Variants in ELMO1 observed in about 807,000 individuals in gnomAD.
The protein encoded by ELMO1 is engulfment and cell motility 1.
Under a neutral mutation model 98.9 loss-of-function variants are expected in ELMO1, and 26 were observed. That is an observed-to-expected ratio of 0.26 (90% confidence interval 0.19 to 0.36). The LOEUF (loss-of-function observed/expected upper bound fraction) is 0.36, where lower values mean the gene tolerates loss of function less well. Ranked by LOEUF, ELMO1 falls within the 10% of genes least tolerant of loss-of-function variation. The pLI, the probability that ELMO1 is intolerant of heterozygous loss-of-function variation, is 1.00. For missense variants in ELMO1, 627 were observed against 935.2 expected, an observed-to-expected ratio of 0.67 and a Z score of 4.30; for synonymous variants, 346 against 346.0, an observed-to-expected ratio of 1.00 and a Z score of 0.00.
rs35665315 is a variant in ELMO1, at chr7:37,005,107, C to CAAAAA, written c.1437+8187_1437+8191dup. On this transcript the variant is annotated intron_variant, in intron 16 of 21. Transcript: ENST00000310758. Reference sequence around the variant, plus strand: ...CTGGCAACAGAGCAAGGCTCTGTCTCAAAAAAAAAAAAAAAAAAAAAAAAA... The same window carrying CAAAAA: ...CTGGCAACAGAGCAAGGCTCTGTCTCAAAAAAAAAAAAAAAAAAAAAAAAAAAAAA... Among the ~76,000 whole-genome samples the CAAAAA allele has an allele frequency of 5.3e-3, 204 of 38,284 alleles. 7 individuals carry two copies. Among genetic ancestry groups the CAAAAA allele is most frequent in the Middle Eastern group, 0.028 (1 of 36 alleles). 25.1% of individuals were successfully genotyped at this position (38,284 alleles called of 152,430 possible).
rs151081660 is a variant in ELMO1 at position 36,961,047 on chromosome 7, T to C, written c.1437+52252A>G. ...CATCCCACGTGTGTCTGTGTAGTTT[T>C]ATCTAAACTGGCGCAAGACCAAGCA... is the stretch of plus-strand genomic sequence containing the variant. On this transcript the variant is annotated intron_variant, in intron 16 of 21. Transcript: ENST00000310758. Among the ~76,000 whole-genome samples the C allele has an allele frequency of 4.3e-3, 649 of 152,294 alleles. 11 individuals are homozygous for C. Among genetic ancestry groups the C allele is most frequent in the African/African-American group, 0.015 (619 of 41,562 alleles).
chr7:36,965,661 C>T (rs546685421), intron 16 of ELMO1, among the ~76,000 whole-genome samples: 1 of 152,216 alleles, frequency 6.6e-6, no homozygotes, highest in African/African-American at 2.4e-5. Context: ...CTAATCAGTA[C>T]TGAAAATTGA....
intron 2 of ELMO1, among the ~76,000 whole-genome samples, chr7:37,338,108 A>G (rs1046758049): frequency 1.3e-5 from 2 of 152,232 alleles, no homozygotes; most frequent in African/African-American, 4.8e-5. Context: ...TAATCTAGCT[A>G]ATAATGGCTG....
chr7:37,013,470 T>C (rs568802085), intron 15 of ELMO1, 35 bp from the exon 16 acceptor site: 1 of 1,610,154 alleles, frequency 6.2e-7, no homozygotes, highest in South Asian at 1.1e-5. Context: ...GAGAAAAAGT[T>C]TTAAAACAGT....
chr7:37,247,524 C>T (rs1795077157), intron 6 of ELMO1, among the ~76,000 whole-genome samples: 3 of 152,164 alleles, frequency 2.0e-5, no homozygotes, highest in Admixed American at 2.0e-4. Flanking sequence ...ACAAGAATTA[C>T]CCAATTTGTA....
intron 16 of ELMO1, among the ~76,000 whole-genome samples, chr7:36,974,796 C>T (rs1790372799): frequency 6.6e-6 from 1 of 152,180 alleles, no homozygotes; most frequent in Non-Finnish European, 1.5e-5. Context: ...CTTTTATGAG[C>T]TGTAACACTC....
chr7:37,196,072 C>T (rs947729485), intron 13 of ELMO1, among the ~76,000 whole-genome samples: 7 of 152,200 alleles, frequency 4.6e-5, no homozygotes, highest in Non-Finnish European at 1.5e-5. Context: ...TCCCTCACTG[C>T]TTTGCCCTGG....
chr7:37,221,116 T>C (rs988884865), intron 10 of ELMO1, among the ~76,000 whole-genome samples: 2 of 152,180 alleles, frequency 1.3e-5, no homozygotes, highest in South Asian at 2.1e-4. Context: ...ACGGTAAGAC[T>C]GCCCCTAGCA....
intron 13 of ELMO1, among the ~76,000 whole-genome samples, chr7:37,157,422 G>A (rs1208480694): frequency 2.6e-5 from 4 of 152,142 alleles, no homozygotes; most frequent in Non-Finnish European, 5.9e-5. Context: ...AAACCCCATC[G>A]TATCAGCCCA....
intron 15 of ELMO1, among the ~76,000 whole-genome samples, chr7:37,083,853 G>A (rs1783614380): frequency 6.6e-6 from 1 of 152,180 alleles, no homozygotes. Context: ...CTGAGGAGGA[G>A]GCATCTTTGG....
At chr7:37,334,307 A>G (rs750970010) in intron 2 of ELMO1, among the ~76,000 whole-genome samples, 15 of 152,234 alleles carry the variant, frequency 9.9e-5, no homozygotes, top group Middle Eastern at 6.8e-3. Context: ...TTAGCCAGGC[A>G]TGGTGGCGGG....
intron 5 of ELMO1, among the ~76,000 whole-genome samples, chr7:37,262,667 G>A (rs1490845029): frequency 6.6e-6 from 1 of 152,144 alleles, no homozygotes; most frequent in Non-Finnish European, 1.5e-5. Flanking sequence ...TTCATCCTAG[G>A]ACATAGGTGA....
chr7:37,297,187 A>G (rs1055587205), intron 4 of ELMO1, among the ~76,000 whole-genome samples: 15 of 152,240 alleles, frequency 9.9e-5, no homozygotes, highest in African/African-American at 3.1e-4. Context: ...CTGTGCTCCT[A>G]TCCATTATCA....
At chr7:36,895,781 T>C (rs114552525) in intron 16 of ELMO1, among the ~76,000 whole-genome samples, 31 of 152,318 alleles carry the variant, frequency 2.0e-4, no homozygotes, top group African/African-American at 7.2e-4. Context: ...CACAGAAGCA[T>C]CTCAGAGCTT....
intron 15 of ELMO1, among the ~76,000 whole-genome samples, chr7:37,094,854 C>G (rs1784291424): frequency 6.6e-6 from 1 of 152,218 alleles, no homozygotes; most frequent in African/African-American, 2.4e-5. Flanking sequence ...GTAATTCACT[C>G]AGGGACACAA....
At chr7:36,953,521 T>C (rs184333273) in intron 16 of ELMO1, among the ~76,000 whole-genome samples, 4 of 152,364 alleles carry the variant, frequency 2.6e-5, no homozygotes, top group Admixed American at 2.6e-4. Flanking sequence ...TCAAAAATTT[T>C]GGTGCATATC....
At chr7:37,270,767 T>C (rs1315203028) in intron 5 of ELMO1, 1 of 152,132 alleles carries the variant, frequency 6.6e-6, no homozygotes, top group African/African-American at 2.4e-5. Flanking sequence ...CTAAAGTTCT[T>C]ATGTAGAATC....
chr7:37,082,199 A>G (rs1797898288), intron 15 of ELMO1, among the ~76,000 whole-genome samples: 1 of 152,200 alleles, frequency 6.6e-6, no homozygotes, highest in Non-Finnish European at 1.5e-5. Context: ...CTGCACTGGC[A>G]TTATAATGGA....
chr7:37,237,077 T>C (rs1794508607), intron 7 of ELMO1, among the ~76,000 whole-genome samples: 1 of 152,240 alleles, frequency 6.6e-6, no homozygotes, highest in Non-Finnish European at 1.5e-5. Flanking sequence ...AAACTTTACA[T>C]GCTGGTGGAA....
Sources: gnomAD v4.1 joint callset for allele counts (sites outside exome capture counted in the v4.1 genomes callset) on GRCh38, gnomAD v4.1.1 for gene constraint, MANE v1.5 for transcripts, NCBI Gene and HGNC (gene_info 2026-07-23, HGNC 2026-07-21) for gene names.